NPHP4: variants seen among roughly 807,000 people sequenced by gnomAD.
NPHP4 encodes the protein nephrocystin-4.
In NPHP4, 151 loss-of-function variants were observed where a neutral mutation model predicts 155.8. The observed-to-expected ratio is 0.97, with a 90% CI of 0.85 to 1.11. NPHP4 has a LOEUF of 1.11. Ranked by LOEUF, NPHP4 falls within the 50% of genes least tolerant of loss-of-function variation. The probability of loss-of-function intolerance (pLI) is 0.00; values close to 1 mark genes in which losing one functional copy is unlikely to be tolerated. For missense variants in NPHP4, 1,956 were observed against 1,925.7 expected (o/e 1.02, Z -0.29); for synonymous variants, 845 against 816.8 (o/e 1.03, Z -0.59).
chr1:5,986,191 A>C lies in NPHP4; in HGVS notation c.99T>G (p.Cys33Trp). 1.2e-6 allele frequency: 2 copies of C among 1,613,898 alleles called. No individual in the cohort carries two copies. Among genetic ancestry groups the C allele is most frequent in the Non-Finnish European group, 1.7e-6 (2 of 1,179,854 alleles). The change falls in exon 2 of 30, where the codon TGT becomes TGG. Residue 33 changes from cysteine (C) to tryptophan (W), a missense_variant. Cys to Trp is a radical substitution (Grantham distance 215). Coordinates refer to ENST00000378156, the MANE Select transcript of NPHP4 (RefSeq NM_015102.5). ...QPWKESTAFQCVLKWLDGPVI... is the reference protein window; with the variant it reads ...QPWKESTAFQWVLKWLDGPVI... ...CCGGTCCGTCCAGCCACTTGAGGAC[A>C]CACTGGAATGCCGTGGATTCCTTCC...
At chr1:5,972,515 C>T (rs1157314585) in intron 3 of NPHP4, among the ~76,000 whole-genome samples, 2 of 152,196 alleles carry the variant, frequency 1.3e-5, no homozygotes, top group Non-Finnish European at 2.9e-5. Context: ...AATACAACAT[C>T]TTATCCATCT....
chr1:5,909,752 G>T (rs1394949806), intron 11 of NPHP4, among the ~76,000 whole-genome samples: 20 of 152,170 alleles, frequency 1.3e-4, no homozygotes, highest in Admixed American at 1.3e-3. Flanking sequence ...CCTGGGGGAG[G>T]CAAGGCCAGC....
At chr1:5,891,108 G>A in intron 16 of NPHP4, 80 bp from the exon 17 acceptor site, 1 of 1,034,560 alleles carries the variant, frequency 9.7e-7, no homozygotes. Flanking sequence ...TTTCAGCTCT[G>A]GTCATGATTA....
At chr1:5,962,681 G>A (rs572708550) in intron 5 of NPHP4, among the ~76,000 whole-genome samples, 4 of 152,342 alleles carry the variant, frequency 2.6e-5, no homozygotes, top group African/African-American at 7.2e-5. Flanking sequence ...AACTGGATCC[G>A]AACCACGGGA....
At chr1:5,936,297 G>A (rs765560506) in intron 9 of NPHP4, among the ~76,000 whole-genome samples, 2 of 152,152 alleles carry the variant, frequency 1.3e-5, no homozygotes, top group Non-Finnish European at 2.9e-5. Flanking sequence ...GAAGCCAGTC[G>A]CCATGTATTT....
In NPHP4 at chr1:5,961,910, T is replaced by C; in HGVS notation, c.557A>G (p.Gln186Arg). Residue 186 changes from glutamine (Q) to arginine (R), a missense_variant, in exon 6 of 30, where the codon CAG becomes CGG. Transcript: ENST00000378156. Reference protein sequence around the residue: ...HMTLIENCSLQYTLKPHPALE... With the variant: ...HMTLIENCSLRYTLKPHPALE... ...GGCCGGGTGTGGCTTCAGCGTGTACTGCAGGCTGCAGTTCTCAATGAGGGT... is the reference window on the plus strand; with the variant it reads ...GGCCGGGTGTGGCTTCAGCGTGTACCGCAGGCTGCAGTTCTCAATGAGGGT... The C allele has an allele frequency of 6.2e-7, 1 of 1,611,680 alleles. No individual in the cohort carries two copies.
chr1:5,943,032 AC>A (rs1646906928), intron 9 of NPHP4, among the ~76,000 whole-genome samples: 1 of 152,150 alleles, frequency 6.6e-6, no homozygotes. Flanking sequence ...TGGAGCCCAC[AC>A]TTGCATGCAT....
intron 10 of NPHP4, 118 bp downstream of exon 10, chr1:5,933,029 A>G (rs1646356417): frequency 2.6e-6 from 2 of 775,492 alleles, no homozygotes; most frequent in Admixed American, 3.0e-5. Context: ...TACCCATGAC[A>G]TGAAAAAAAT....
rs190650062 is a variant in NPHP4 at position 5,900,173 on chromosome 1, A to T, written c.2143+4444T>A. 2.0e-5 allele frequency among the ~76,000 whole-genome samples: 3 copies of T among 152,294 alleles called. No individual in the cohort carries two copies. The East Asian group carries it at 5.8e-4, about 29-fold the overall frequency. On this transcript the variant is annotated intron_variant, in intron 16 of 29. Transcript: ENST00000378156. ...ATGGTGACTCCTAACAAAACTAAAC[A>T]TACTCTTACCACGTGATCCAGCAAT...
At position 5,885,423 on chromosome 1, in the gene NPHP4, T is replaced by C. The variant is rs138809834; in HGVS notation, c.2485+1863A>G. On this transcript the variant is annotated intron_variant, in intron 18 of 29. Coordinates refer to ENST00000378156, the MANE Select transcript of NPHP4 (RefSeq NM_015102.5). ...CATCCTACTCCACAACCAAGATCACTGGGATCAAAGAAAGCAATCTGGTGC... is the reference window on the plus strand; with the variant it reads ...CATCCTACTCCACAACCAAGATCACCGGGATCAAAGAAAGCAATCTGGTGC... 5.8e-3 allele frequency among the ~76,000 whole-genome samples: 888 copies of C among 152,216 alleles called. 8 individuals are homozygous for C. Among genetic ancestry groups the C allele is most frequent in the African/African-American group, 0.02 (831 of 41,512 alleles).
intron 18 of NPHP4, among the ~76,000 whole-genome samples, chr1:5,885,175 C>G (rs1296143721): frequency 6.9e-6 from 1 of 143,912 alleles, no homozygotes; most frequent in South Asian, 2.3e-4. Flanking sequence ...ACTCGACAAC[C>G]AAGATCACTG....
At chr1:5,880,033 A>ACC in intron 19 of NPHP4, 81 bp downstream of exon 19, 1 of 1,035,030 alleles carries the variant, frequency 9.7e-7, no homozygotes, top group Non-Finnish European at 1.4e-6. Context: ...ACACGCATGC[A>ACC]CACACACACA....
intron 28 of NPHP4, 103 bp from the exon 29 acceptor site, chr1:5,864,136 A>G: frequency 7.5e-7 from 1 of 1,333,110 alleles, no homozygotes; most frequent in Non-Finnish European, 1.0e-6. Context: ...GTGCACGGGG[A>G]CCCCCACAGA....
chr1:5,927,777 A>T lies in NPHP4; in HGVS notation c.1313T>A (p.Val438Glu). The change falls in exon 11 of 30, where the codon GTG becomes GAG. Residue 438 changes from valine to glutamate, a missense_variant. Coordinates refer to ENST00000378156, the MANE Select transcript of NPHP4 (RefSeq NM_015102.5). The stretch of plus-strand genomic sequence containing the variant: ...CTGGAACCGGAGTGTACCCGACTCC[A>T]CCTGCTTCACCTGCAATGGACCAGA... ...ASMSSEEVKQ[V>E]ESGTLRFQFS... 1 of 1,609,522 alleles carries T rather than the reference A, an allele frequency of 6.2e-7. No homozygotes were observed. Among genetic ancestry groups the T allele is most frequent in the Non-Finnish European group, 8.5e-7 (1 of 1,176,334 alleles).
rs12069768 is a variant in NPHP4 at position 5,909,722 on chromosome 1, C to G, written c.1442-509G>C. On this transcript the variant is annotated intron_variant, in intron 11 of 29. Coordinates refer to ENST00000378156, the MANE Select transcript of NPHP4 (RefSeq NM_015102.5). ...CTGCTGAGGATTCTCCATGCAGGCC[C>G]GGTAACACTGGGAGGCGCACCTGGG... Among the ~76,000 whole-genome samples the G allele has an allele frequency of 6.6e-5, 10 of 152,234 alleles. 1 individual carries two copies. The highest frequency in any genetic ancestry group is 2.2e-4 in the African/African-American group (9 of 41,522).
rs748682964 is a variant in NPHP4, at chr1:5,952,699, C to T, written c.810+1G>A. On this transcript the variant is annotated splice_donor_variant, in intron 7 of 29. Coordinates refer to ENST00000378156, the MANE Select transcript of NPHP4 (RefSeq NM_015102.5). LOFTEE classifies it high-confidence loss of function. Reference sequence around the variant, plus strand: ...CCCCCATCACGCTTCTGACTCCACACCTCCTGGAAGTGGTCCTGGACGTGG... The same window carrying T: ...CCCCCATCACGCTTCTGACTCCACATCTCCTGGAAGTGGTCCTGGACGTGG... 1 of 1,550,656 alleles carries T rather than the reference C, an allele frequency of 6.4e-7. No individual in the cohort carries two copies. The highest frequency in any genetic ancestry group is 8.7e-7 in the Non-Finnish European group (1 of 1,147,204).
At chr1:5,885,737 A>G (rs781213200) in intron 18 of NPHP4, among the ~76,000 whole-genome samples, 1 of 152,242 alleles carries the variant, frequency 6.6e-6, no homozygotes, top group Non-Finnish European at 1.5e-5. Context: ...GCAGGCTTCC[A>G]TGGCCAGCAC....
In NPHP4 at chr1:5,867,818, G is replaced by C. The variant is rs911270774; in HGVS notation, c.3394C>G (p.Gln1132Glu). 6.2e-7 allele frequency: 1 copy of C among 1,613,544 alleles called. No individual in the cohort carries two copies. The highest frequency in any genetic ancestry group is 8.5e-7 in the Non-Finnish European group (1 of 1,179,848). The change falls in exon 24 of 30, where the codon CAG becomes GAG. Residue 1132 changes from glutamine to glutamate, a missense_variant. Transcript: ENST00000378156. This position sits in a 1 kb window ranked among gnomAD's most constrained non-coding sequence, Gnocchi z 4.1. Reference sequence around the variant, plus strand: ...TCCGGGTGATAGAAGCGGAAGACCTGGTCCACCACGTGGGGCTGCAGCTCC... The same window carrying C: ...TCCGGGTGATAGAAGCGGAAGACCTCGTCCACCACGTGGGGCTGCAGCTCC... ...TVELQPHVVD[Q>E]VFRFYHPELS...
rs1327959527 is a variant in NPHP4, at chr1:5,944,745, A to C, written c.1119+2359T>G. Among the ~76,000 whole-genome samples, 1 of 152,202 alleles carries C rather than the reference A, an allele frequency of 6.6e-6. No homozygotes were observed. Among genetic ancestry groups the C allele is most frequent in the Non-Finnish European group, 1.5e-5 (1 of 68,032 alleles). The stretch of plus-strand genomic sequence containing the variant: ...AGCACTTTGGGAGGCCAAGGAGGGC[A>C]GATCACTTGAGGTCAGAAGTCTGAG... On this transcript the variant is annotated intron_variant, in intron 9 of 29. Coordinates refer to ENST00000378156, the MANE Select transcript of NPHP4 (RefSeq NM_015102.5). The surrounding 1 kb of genome is among the most constrained non-coding windows in gnomAD (Gnocchi z 4.3).
Sources: gnomAD v4.1 joint callset for allele counts (sites outside exome capture counted in the v4.1 genomes callset) on GRCh38, gnomAD v4.1.1 for gene constraint, Gnocchi (gnomAD v3.1) non-coding constraint, MANE v1.5 for transcripts, NCBI Gene and HGNC (gene_info 2026-07-23, HGNC 2026-07-21) for gene names.